TATDN2: variants seen among roughly 807,000 people sequenced by gnomAD.
TATDN2 encodes 3'-5' RNA nuclease TATDN2.
In TATDN2, 44 loss-of-function variants were observed where a neutral mutation model predicts 60.3. That is an observed-to-expected ratio of 0.73 (90% CI 0.57 to 0.94). TATDN2 has a LOEUF of 0.94. Ranked by LOEUF, TATDN2 falls within the 40% of genes least tolerant of loss-of-function variation. TATDN2 has a pLI of 0.00. For synonymous variants in TATDN2, 399 were observed against 355.8 expected (o/e 1.12, Z -1.37); for missense variants, 997 against 948.0 (o/e 1.05, Z -0.68).
In TATDN2 at chr3:10,249,383, C is replaced by T; in HGVS notation, c.183C>T (p.Asp61=). The change falls in exon 2 of 8, where the codon GAC becomes GAT. Residue 61 remains aspartate, a synonymous_variant. Transcript: ENST00000448281. ...SPKRLKAQKE[D]DVACSRRLSW... is the part of the protein sequence containing the mutation. Reference sequence around the variant, plus strand: ...AGCGCCTGAAAGCCCAGAAGGAGGACGATGTGGCTTGCTCGCGGAGGTTAT... The same window carrying T: ...AGCGCCTGAAAGCCCAGAAGGAGGATGATGTGGCTTGCTCGCGGAGGTTAT... 1.9e-6 allele frequency: 3 copies of T among 1,613,254 alleles called. No homozygotes were observed. Among genetic ancestry groups the T allele is most frequent in the Non-Finnish European group, 1.7e-6 (2 of 1,179,592 alleles).
At chr3:10,260,742 G>T in intron 3 of TATDN2, 72 bp downstream of exon 3, 1 of 1,508,270 alleles carries the variant, frequency 6.6e-7, no homozygotes, top group Non-Finnish European at 8.9e-7. Flanking sequence ...TTTCTAGTTT[G>T]ATCCTAAGTG....
chr3:10,252,855 ATTTT>A (rs373138121), intron 2 of TATDN2, among the ~76,000 whole-genome samples: 3 of 112,016 alleles, frequency 2.7e-5, no homozygotes, highest in Admixed American at 1.9e-4. Context: ...TGCCTGGCTA[ATTTT>A]TTTTTTTTTT....
chr3:10,269,372 C>T (rs1041258962), intron 3 of TATDN2, among the ~76,000 whole-genome samples: 1 of 152,216 alleles, frequency 6.6e-6, no homozygotes, highest in Non-Finnish European at 1.5e-5. Context: ...AGACCCCACT[C>T]TCAATGGGGA....
At chr3:10,252,175 T>G (rs1415952484) in intron 2 of TATDN2, among the ~76,000 whole-genome samples, 3 of 151,132 alleles carry the variant, frequency 2.0e-5, no homozygotes, top group Admixed American at 1.3e-4. Context: ...AAAATTTTTT[T>G]TTTTGTAGAG....
At chr3:10,256,960 T>C (rs1479893624) in intron 2 of TATDN2, among the ~76,000 whole-genome samples, 2 of 151,840 alleles carry the variant, frequency 1.3e-5, no homozygotes, top group Non-Finnish European at 2.9e-5. Flanking sequence ...AAGTTGGGGC[T>C]GTGTCTCACA....
intron 3 of TATDN2, among the ~76,000 whole-genome samples, chr3:10,268,561 G>A (rs1016356792): frequency 6.6e-6 from 1 of 152,158 alleles, no homozygotes; most frequent in African/African-American, 2.4e-5. Context: ...TGTGCTTACT[G>A]TATTTCTCAA....
At chr3:10,267,782 C>G (rs1698499713) in intron 3 of TATDN2, among the ~76,000 whole-genome samples, 1 of 152,090 alleles carries the variant, frequency 6.6e-6, no homozygotes, top group Non-Finnish European at 1.5e-5. Context: ...AATTATTTTG[C>G]AGACATGTTA....
rs1698189834 is a variant in TATDN2, at chr3:10,249,535, CA to C, written c.336del (p.Gly114AspfsTer17). ...LIRNTRGFLS[S>X]GGSPLRPANA... ...CGGAACACTCGGGGGTTCCTGTCTTCAGGGGGATCCCCTCTGCGTCCTGCCA... is the reference window on the plus strand; with the variant it reads ...CGGAACACTCGGGGGTTCCTGTCTTCGGGGGATCCCCTCTGCGTCCTGCCA... On this transcript the variant is annotated frameshift_variant, in exon 2 of 8. Coordinates refer to ENST00000448281, the MANE Select transcript of TATDN2 (RefSeq NM_014760.4). LOFTEE classifies it high-confidence loss of function. 6.3e-7 allele frequency: 1 copy of C among 1,596,136 alleles called. No individual in the cohort carries two copies. Among genetic ancestry groups the C allele is most frequent in the Non-Finnish European group, 8.5e-7 (1 of 1,171,686 alleles).
intron 5 of TATDN2, 42 bp downstream of exon 5, chr3:10,276,530 T>A: frequency 6.3e-7 from 1 of 1,597,624 alleles, no homozygotes; most frequent in Non-Finnish European, 8.5e-7. Flanking sequence ...AAAGAAACAC[T>A]TCCTCTGTCA....
chr3:10,254,448 C>T (rs925960375), intron 2 of TATDN2, among the ~76,000 whole-genome samples: 3 of 152,158 alleles, frequency 2.0e-5, no homozygotes, highest in Non-Finnish European at 2.9e-5. Flanking sequence ...TTCTCTCATC[C>T]GTGCTCTCCT....
Position 10,270,488 on chromosome 3 carries a change from G to T in TATDN2, c.1306G>T (p.Ala436Ser), listed in dbSNP as rs776992008. The T allele has an allele frequency of 2.5e-6, 4 of 1,614,186 alleles. No homozygotes were observed. Among genetic ancestry groups the T allele is most frequent in the South Asian group, 1.1e-5 (1 of 91,086 alleles). The stretch of plus-strand genomic sequence containing the variant: ...CCAAAACACCTCCAGAGACATGGAG[G>T]CCTCAGAGGAAGGCTGGTCCCAGAA... ...SVQNTSRDME[A>S]SEEGWSQNSR... The change falls in exon 4 of 8, where the codon GCC becomes TCC. Residue 436 changes from alanine (A) to serine (S), a missense_variant. Ala to Ser is a moderately conservative substitution (Grantham distance 99). Coordinates refer to ENST00000448281, the MANE Select transcript of TATDN2 (RefSeq NM_014760.4).
In TATDN2 at chr3:10,278,648, A is replaced by G. The variant is rs1309562265; in HGVS notation, c.2145+186A>G. 1.0e-6 allele frequency: 1 copy of G among 989,792 alleles called. No individual in the cohort carries two copies. Among genetic ancestry groups the G allele is most frequent in the Non-Finnish European group, 1.6e-6 (1 of 643,902 alleles). The allele number at this position is 989,792 out of a possible 1,614,324, so 61.3% of individuals were successfully genotyped here. ...CTAGGGGGCTGAGAAGCTGAAGGGTAACCACTCTCTTCCAGGCAGTGCAAA... is the reference window on the plus strand; with the variant it reads ...CTAGGGGGCTGAGAAGCTGAAGGGTGACCACTCTCTTCCAGGCAGTGCAAA... On this transcript the variant is annotated intron_variant, in intron 6 of 7. Transcript: ENST00000448281. This position sits in a 1 kb window ranked among gnomAD's most constrained non-coding sequence, Gnocchi z 4.7.
rs1698720043 is a variant in TATDN2 at position 10,280,584 on chromosome 3, G to A, written c.*1402G>A. 1 of 153,762 alleles carries A rather than the reference G, an allele frequency of 6.5e-6. No homozygotes were observed. The highest frequency in any genetic ancestry group is 1.5e-5 in the Non-Finnish European group (1 of 68,044). 9.5% of individuals were successfully genotyped at this position (153,762 alleles called of 1,614,324 possible). On this transcript the variant is annotated 3_prime_UTR_variant, in exon 8 of 8. Coordinates refer to ENST00000448281, the MANE Select transcript of TATDN2 (RefSeq NM_014760.4). ...CTTATGGAATCCTAAATTCCTCTAGGTGTTTTTGGAAGGCGCATTTGAGCC... is the reference window on the plus strand; with the variant it reads ...CTTATGGAATCCTAAATTCCTCTAGATGTTTTTGGAAGGCGCATTTGAGCC...
chr3:10,272,400 A>T (rs1698579414), intron 4 of TATDN2, among the ~76,000 whole-genome samples: 1 of 151,630 alleles, frequency 6.6e-6, no homozygotes, highest in Non-Finnish European at 1.5e-5. Flanking sequence ...CAGCCTCCTG[A>T]GTAGCTGGGA....
chr3:10,262,731 C>T (rs1037984995), intron 3 of TATDN2, among the ~76,000 whole-genome samples: 3 of 150,544 alleles, frequency 2.0e-5, no homozygotes, highest in Non-Finnish European at 4.4e-5. Flanking sequence ...GACAGAGTTT[C>T]ATCATGTTGG....
rs1430694925 is a variant in TATDN2, at chr3:10,257,946, C to T, written c.415-2191C>T. The stretch of plus-strand genomic sequence containing the variant: ...CACGATCTTGGCTCACTGCAAGCTC[C>T]GCCTCCCGGGTTCACGCCATTCTCC... On this transcript the variant is annotated intron_variant, in intron 2 of 7. Coordinates refer to ENST00000448281, the MANE Select transcript of TATDN2 (RefSeq NM_014760.4). Among the ~76,000 whole-genome samples the T allele has an allele frequency of 5.0e-5, 7 of 139,194 alleles. No homozygotes were observed. The South Asian group carries it at 9.5e-4, about 19-fold the overall frequency. 91.3% of individuals were successfully genotyped at this position (139,194 alleles called of 152,430 possible). A position where few individuals can be genotyped will look rare whatever the true frequency, so the allele number is the denominator to read the frequency against.
chr3:10,273,036 A>C lies in TATDN2; in HGVS notation c.1833+2021A>C, dbSNP rs898847569. ...CAGAGTGAGACCCTGTCTCAAGACA[A>C]AATTATCAGGGTCTCAGGTCTGCAC... On this transcript the variant is annotated intron_variant, in intron 4 of 7. Transcript: ENST00000448281. Among the ~76,000 whole-genome samples the C allele has an allele frequency of 2.0e-4, 31 of 152,268 alleles. No individual in the cohort carries two copies. In the East Asian group the frequency reaches 4.1e-3, roughly 20 times the overall value.
At chr3:10,273,623 G>T (rs1290764536) in intron 4 of TATDN2, among the ~76,000 whole-genome samples, 1 of 151,980 alleles carries the variant, frequency 6.6e-6, no homozygotes, top group African/African-American at 2.4e-5. Context: ...GCCTGTGGAA[G>T]GTCTGTATCT....
intron 3 of TATDN2, among the ~76,000 whole-genome samples, chr3:10,268,364 C>T (rs1386719864): frequency 6.6e-6 from 1 of 152,190 alleles, no homozygotes; most frequent in East Asian, 1.9e-4. Context: ...TCAGGTAATT[C>T]AGCTAGAATG....
Sources: allele counts gnomAD v4.1 joint callset (sites outside exome capture counted in the v4.1 genomes callset), GRCh38; gene constraint gnomAD v4.1.1; non-coding constraint Gnocchi (gnomAD v3.1); transcripts MANE v1.5; gene names NCBI Gene and HGNC (gene_info 2026-07-23, HGNC 2026-07-21).